The following ZC3H15 variants were observed in gnomAD, a reference collection of about 807,000 sequenced individuals.
ZC3H15 encodes zinc finger CCCH-type containing 15.
Under a neutral mutation model 51.2 loss-of-function variants are expected in ZC3H15, and 15 were observed. The observed-to-expected ratio is 0.29, with a 90% CI of 0.20 to 0.45. The LOEUF (loss-of-function observed/expected upper bound fraction) is 0.45, where lower values mean the gene tolerates loss of function less well. Among genes scored for constraint, ZC3H15 ranks in the 20% least tolerant of loss-of-function variants. ZC3H15 has a pLI of 1.00. For missense variants in ZC3H15, 381 were observed against 494.7 expected, an observed-to-expected ratio of 0.77 and a Z score of 2.18; for synonymous variants, 144 against 162.8, an observed-to-expected ratio of 0.88 and a Z score of 0.88.
chr2:186,488,709 C>A (rs557207778), intron 1 of ZC3H15: 27 of 152,274 alleles, frequency 1.8e-4, no homozygotes, highest in Non-Finnish European at 3.4e-4. Flanking sequence ...CTAATGGAGT[C>A]ATCTGTAGGG....
rs1481471108 is a variant in ZC3H15 at position 186,501,408 on chromosome 2, A to G, written c.425A>G (p.Asp142Gly). 6.2e-7 allele frequency: 1 copy of G among 1,607,550 alleles called. No homozygotes were observed. The highest frequency in any genetic ancestry group is 1.3e-5 in the African/African-American group (1 of 74,596). Residue 142 changes from aspartate (D) to glycine (G), a missense_variant, in exon 4 of 10, where the codon GAT becomes GGT. Transcript: ENST00000337859. ...EKRSVYIDARDEELEKDTMDN... is the reference protein window; with the variant it reads ...EKRSVYIDARGEELEKDTMDN... ...CGAAGTGTTTACATTGATGCAAGAGATGAAGAACTTGAAAAAGGTAATTTT... is the reference window on the plus strand; with the variant it reads ...CGAAGTGTTTACATTGATGCAAGAGGTGAAGAACTTGAAAAAGGTAATTTT...
Position 186,501,416 on chromosome 2 carries a change from C to A in ZC3H15, c.433C>A (p.Leu145Ile), listed in dbSNP as rs752108059. ...TTACATTGATGCAAGAGATGAAGAA[C>A]TTGAAAAAGGTAATTTTTTTAAAAA... ...SVYIDARDEE[L>I]EKDTMDNWDE... Residue 145 changes from leucine (L) to isoleucine (I), a missense_variant, in exon 4 of 10, where the codon CTT (leucine) becomes ATT (isoleucine). Leu to Ile is a conservative substitution (Grantham distance 5, BLOSUM62 2). This residue lies in a region of ZC3H15 where 125 missense variants were observed against 166.3 expected (regional missense o/e 0.75). Transcript: ENST00000337859. 6.2e-7 allele frequency: 1 copy of A among 1,604,860 alleles called. No homozygotes were observed.
intron 3 of ZC3H15, 23 bp downstream of exon 3, chr2:186,500,316 G>C: frequency 6.4e-7 from 1 of 1,558,692 alleles, no homozygotes; most frequent in Non-Finnish European, 8.7e-7. Context: ...TTTCAGAAGT[G>C]TGATTTTTTA....
At chr2:186,506,480 ACAAGGTCTGGCTTTGTTGCT>A (rs112680229) in intron 8 of ZC3H15, among the ~76,000 whole-genome samples, 1,799 of 152,312 alleles carry the variant, frequency 0.012, 31 homozygotes, top group African/African-American at 0.041. Flanking sequence ...TTTTATAGAG[ACAAGGTCTGGCTTTGTTGCT>A]CAGGCTGGTC....
Position 186,508,861 on chromosome 2 carries a change from T to C in ZC3H15, c.*128T>C. ...GCTGATTCTGGAGGAGTTAACCTCC[T>C]GCAAAAAAGGCATCTTGTCCCTACA... On this transcript the variant is annotated 3_prime_UTR_variant, in exon 10 of 10. Transcript: ENST00000337859. 2 of 1,007,154 alleles carry C rather than the reference T, an allele frequency of 2.0e-6. No individual in the cohort carries two copies. Among genetic ancestry groups the C allele is most frequent in the Non-Finnish European group, 1.4e-6 (1 of 691,868 alleles). The allele number at this position is 1,007,154 out of a possible 1,614,324, so 62.4% of individuals were successfully genotyped here. A position where few individuals can be genotyped will look rare whatever the true frequency, so the allele number is the denominator to read the frequency against.
chr2:186,505,777 T>C lies in ZC3H15; in HGVS notation c.902T>C (p.Leu301Pro). ...GREVFEFRPELVNDDDEEADD... is the reference protein window; with the variant it reads ...GREVFEFRPEPVNDDDEEADD... ...GAAGTGTTTGAATTTCGTCCTGAAC[T>C]GGTCAATGATGATGATGAGGAAGCA... is the stretch of plus-strand genomic sequence containing the variant. The change falls in exon 8 of 10, where the codon CTG (leucine) becomes CCG (proline). Residue 301 changes from leucine (L) to proline (P), a missense_variant. Leu to Pro is a moderately conservative substitution (Grantham distance 98). Around this residue, in one of 3 missense-constraint regions of ZC3H15, gnomAD observed 215 missense variants for 241.8 expected, o/e 0.89. Coordinates refer to ENST00000337859, the MANE Select transcript of ZC3H15 (RefSeq NM_018471.3). The C allele has an allele frequency of 6.2e-7, 1 of 1,614,134 alleles. No individual in the cohort carries two copies. Among genetic ancestry groups the C allele is most frequent in the Non-Finnish European group, 8.5e-7 (1 of 1,179,998 alleles).
At chr2:186,499,535 A>G (rs1246238973) in intron 2 of ZC3H15, 1 of 454,052 alleles carries the variant, frequency 2.2e-6, no homozygotes, top group African/African-American at 2.0e-5. Flanking sequence ...ACAGTTGTTG[A>G]CATGTCTGTC....
At chr2:186,490,578 T>A (rs538389335) in intron 1 of ZC3H15, among the ~76,000 whole-genome samples, 10 of 152,288 alleles carry the variant, frequency 6.6e-5, no homozygotes, top group African/African-American at 2.4e-4. Flanking sequence ...GGGAGAAAAC[T>A]AATGAGGGAA....
chr2:186,492,776 C>T (rs1175031498), intron 1 of ZC3H15, among the ~76,000 whole-genome samples: 1 of 152,040 alleles, frequency 6.6e-6, no homozygotes, highest in Non-Finnish European at 1.5e-5. Flanking sequence ...ATTATTCTTT[C>T]TACTCATTAT....
chr2:186,502,616 G>A, intron 5 of ZC3H15, 29 bp downstream of exon 5: 1 of 1,553,086 alleles, frequency 6.4e-7, no homozygotes, highest in East Asian at 2.3e-5. Flanking sequence ...TTGAGTTGCT[G>A]TGATATTTAT....
chr2:186,502,140 A>C (rs926951282), intron 4 of ZC3H15, among the ~76,000 whole-genome samples: 1 of 152,222 alleles, frequency 6.6e-6, no homozygotes, highest in Admixed American at 6.5e-5. Context: ...ACTTGAGCCC[A>C]AGAGTTCAAG....
chr2:186,493,352 A>G (rs2105586747), intron 1 of ZC3H15, among the ~76,000 whole-genome samples: 1 of 152,268 alleles, frequency 6.6e-6, no homozygotes, highest in South Asian at 2.1e-4. Context: ...TGTGAGCCTG[A>G]AAATGGAAGC....
At chr2:186,487,447 G>T (rs978259333) in intron 1 of ZC3H15, 6 of 152,186 alleles carry the variant, frequency 3.9e-5, no homozygotes, top group Non-Finnish European at 8.8e-5. Context: ...AAAAAGCCAT[G>T]ACCATTTTAC....
chr2:186,490,725 G>A (rs561386340), intron 1 of ZC3H15, among the ~76,000 whole-genome samples: 1 of 152,146 alleles, frequency 6.6e-6, no homozygotes, highest in African/African-American at 2.4e-5. Flanking sequence ...AGGCTGGCCC[G>A]TAAAAGGAAT....
At chr2:186,487,344 A>G (rs995475030) in intron 1 of ZC3H15, 2 of 152,220 alleles carry the variant, frequency 1.3e-5, no homozygotes, top group Non-Finnish European at 2.9e-5. Flanking sequence ...TAAACATACC[A>G]TACAGACCCC....
intron 1 of ZC3H15, among the ~76,000 whole-genome samples, chr2:186,491,085 CAT>C (rs1254615582): frequency 6.6e-6 from 1 of 152,154 alleles, no homozygotes; most frequent in Non-Finnish European, 1.5e-5. Flanking sequence ...AATTGCAAAT[CAT>C]TCTGTTTTCA....
intron 6 of ZC3H15, 83 bp downstream of exon 6, chr2:186,504,297 C>A: frequency 1.7e-6 from 2 of 1,195,256 alleles, no homozygotes; most frequent in Admixed American, 3.2e-5. Context: ...GGGGCAATAG[C>A]CTTTTATGAA....
chr2:186,495,352 C>T lies in ZC3H15; in HGVS notation c.177+18C>T. 6.6e-6 allele frequency: 9 copies of T among 1,369,992 alleles called. No individual in the cohort carries two copies. Among genetic ancestry groups the T allele is most frequent in the Non-Finnish European group, 8.7e-6 (9 of 1,028,654 alleles). 84.9% of individuals were successfully genotyped at this position (1,369,992 alleles called of 1,614,324 possible). A position where few individuals can be genotyped will look rare whatever the true frequency, so the allele number is the denominator to read the frequency against. The stretch of plus-strand genomic sequence containing the variant: ...CACGTCAGGTAAGTAATTTAAATGT[C>T]CATATCTTTTTATAAATGTAATATT... On this transcript the variant is annotated intron_variant, in intron 2 of 9. Coordinates refer to ENST00000337859, the MANE Select transcript of ZC3H15 (RefSeq NM_018471.3).
intron 1 of ZC3H15, among the ~76,000 whole-genome samples, chr2:186,489,906 C>A (rs1247041039): frequency 6.6e-6 from 1 of 152,094 alleles, no homozygotes; most frequent in Non-Finnish European, 1.5e-5. Flanking sequence ...AGCTAGTTCC[C>A]GTGAGTTAAA....
Sources: gnomAD v4.1 joint callset for allele counts (sites outside exome capture counted in the v4.1 genomes callset) on GRCh38, gnomAD v4.1.1 for gene constraint, gnomAD v4.1.1 regional missense constraint, MANE v1.5 for transcripts, NCBI Gene and HGNC (gene_info 2026-07-23, HGNC 2026-07-21) for gene names.